Variants in ASB18 observed in about 807,000 individuals in gnomAD.
The protein encoded by ASB18 is ankyrin repeat and SOCS box protein 18.
A neutral mutation model predicts 33.4 loss-of-function variants in ASB18; 33 were observed. The observed-to-expected ratio is 0.99, with a 90% CI of 0.75 to 1.32. The LOEUF (loss-of-function observed/expected upper bound fraction) is 1.32. ASB18 is among the 40% of genes most tolerant of loss of function. ASB18 has a pLI of 0.00. For missense variants in ASB18, 694 were observed against 655.5 expected (o/e 1.06, Z -0.64); for synonymous variants, 295 against 307.6 (o/e 0.96, Z 0.43).
chr2:236,198,391 T>G (rs1401631923), intron 4 of ASB18, among the ~76,000 whole-genome samples: 1 of 152,060 alleles, frequency 6.6e-6, no homozygotes, highest in Non-Finnish European at 1.5e-5. Flanking sequence ...TTTTTTTGGA[T>G]GGAGTCTTGC....
At position 236,252,279 on chromosome 2, in the gene ASB18, A is replaced by T. The variant is rs1476881401; in HGVS notation, c.206-10877T>A. Reference sequence around the variant, plus strand: ...GAGTGAGACTCCGTCACACACACACACACACACACACACACACACACACAC... The same window carrying T: ...GAGTGAGACTCCGTCACACACACACTCACACACACACACACACACACACAC... On this transcript the variant is annotated intron_variant, in intron 1 of 5. Coordinates refer to ENST00000409749, the MANE Select transcript of ASB18 (RefSeq NM_212556.4). This position sits in a 1 kb window ranked among gnomAD's most constrained non-coding sequence, Gnocchi z 7.9. Among the ~76,000 whole-genome samples the T allele has an allele frequency of 1.6e-5, 2 of 125,476 alleles. No homozygotes were observed. The highest frequency in any genetic ancestry group is 9.4e-5 in the African/African-American group (2 of 21,250). 82.3% of individuals were successfully genotyped at this position (125,476 alleles called of 152,430 possible). A position where few individuals can be genotyped will look rare whatever the true frequency, so the allele number is the denominator to read the frequency against.
chr2:236,242,805 T>C (rs1382694093), intron 1 of ASB18, among the ~76,000 whole-genome samples: 7 of 147,332 alleles, frequency 4.8e-5, no homozygotes, highest in Non-Finnish European at 1.0e-4. Context: ...GAGGATTTGT[T>C]GAGTCCAGGA....
Position 236,225,346 on chromosome 2 carries a change from C to T in ASB18, c.597-10480G>A, listed in dbSNP as rs1192119627. Among the ~76,000 whole-genome samples the T allele has an allele frequency of 6.6e-6, 1 of 152,148 alleles. No homozygotes were observed. Among genetic ancestry groups the T allele is most frequent in the Non-Finnish European group, 1.5e-5 (1 of 68,028 alleles). ...CAGGCTGGTCTCAAACTCCTGGGCTCAAGCGATCCTCTAGCCTTGGCCTCC... is the reference window on the plus strand; with the variant it reads ...CAGGCTGGTCTCAAACTCCTGGGCTTAAGCGATCCTCTAGCCTTGGCCTCC... On this transcript the variant is annotated intron_variant, in intron 3 of 5. Transcript: ENST00000409749. This position sits in a 1 kb window ranked among gnomAD's most constrained non-coding sequence, Gnocchi z 5.1.
Position 236,214,905 on chromosome 2 carries a change from G to T in ASB18, c.597-39C>A, listed in dbSNP as rs1429221570. On this transcript the variant is annotated intron_variant, in intron 3 of 5. Transcript: ENST00000409749. This position sits in a 1 kb window ranked among gnomAD's most constrained non-coding sequence, Gnocchi z 6.5. ...GGGCCTGTCACTCGGGCGCCACGCAGGACGCCCGCACCCTTCCACCCCCGG... is the reference window on the plus strand; with the variant it reads ...GGGCCTGTCACTCGGGCGCCACGCATGACGCCCGCACCCTTCCACCCCCGG... 1.7e-6 allele frequency: 2 copies of T among 1,204,586 alleles called. No homozygotes were observed. The highest frequency in any genetic ancestry group is 3.2e-5 in the African/African-American group (2 of 63,068). 74.6% of individuals were successfully genotyped at this position (1,204,586 alleles called of 1,614,324 possible). A position where few individuals can be genotyped will look rare whatever the true frequency, so the allele number is the denominator to read the frequency against.
chr2:236,248,356 G>A lies in ASB18; in HGVS notation c.206-6954C>T, dbSNP rs13390581. 0.055 allele frequency: 8,410 copies of A among 152,234 alleles called. 469 individuals are homozygous for A. Among genetic ancestry groups the A allele is most frequent in the African/African-American group, 0.14 (5,992 of 41,512 alleles). The allele number at this position is 152,234 out of a possible 1,614,324, so 9.4% of individuals were successfully genotyped here. ...GCCTGTAATCCCAGCACTTTAGGAG[G>A]CTGAGGCAGGTGGATCACCCGAGGT... is the stretch of plus-strand genomic sequence containing the variant. On this transcript the variant is annotated intron_variant, in intron 1 of 5. Coordinates refer to ENST00000409749, the MANE Select transcript of ASB18 (RefSeq NM_212556.4). This position sits in a 1 kb window ranked among gnomAD's most constrained non-coding sequence, Gnocchi z 4.9.
At position 236,222,121 on chromosome 2, in the gene ASB18, A is replaced by G. The variant is rs147295768; in HGVS notation, c.597-7255T>C. Among the ~76,000 whole-genome samples, 1 of 152,226 alleles carries G rather than the reference A, an allele frequency of 6.6e-6. No individual in the cohort carries two copies. Among genetic ancestry groups the G allele is most frequent in the African/African-American group, 2.4e-5 (1 of 41,526 alleles). ...AGGACGGGGAAGCCACAGCTCCACG[A>G]CTTTGATGGAGGAGCGGTTCCACTT... On this transcript the variant is annotated intron_variant, in intron 3 of 5. Coordinates refer to ENST00000409749, the MANE Select transcript of ASB18 (RefSeq NM_212556.4). This position sits in a 1 kb window ranked among gnomAD's most constrained non-coding sequence, Gnocchi z 5.5.
In ASB18 at chr2:236,237,646, T is replaced by C; in HGVS notation, c.596+43A>G. 1 of 1,290,746 alleles carries C rather than the reference T, an allele frequency of 7.7e-7. No individual in the cohort carries two copies. Among genetic ancestry groups the C allele is most frequent in the Non-Finnish European group, 9.8e-7 (1 of 1,024,896 alleles). The allele number at this position is 1,290,746 out of a possible 1,614,324, so 80.0% of individuals were successfully genotyped here. On this transcript the variant is annotated intron_variant, in intron 3 of 5. Coordinates refer to ENST00000409749, the MANE Select transcript of ASB18 (RefSeq NM_212556.4). The surrounding 1 kb of genome is among the most constrained non-coding windows in gnomAD (Gnocchi z 6.2). Reference sequence around the variant, plus strand: ...CGTGGGGGGAGGCGGGCGTCTGGTCTCGGGGCGGGGCGGACGCCGCGGGCC... The same window carrying C: ...CGTGGGGGGAGGCGGGCGTCTGGTCCCGGGGCGGGGCGGACGCCGCGGGCC...
chr2:236,230,358 A>G (rs1362065619), intron 3 of ASB18, among the ~76,000 whole-genome samples: 1 of 150,244 alleles, frequency 6.7e-6, no homozygotes, highest in African/African-American at 2.5e-5. Context: ...AATGTTAAAG[A>G]AAGCACTTCA....
rs180847585 is a variant in ASB18 at position 236,225,989 on chromosome 2, A to T, written c.597-11123T>A. 4.6e-5 allele frequency among the ~76,000 whole-genome samples: 7 copies of T among 152,312 alleles called. No homozygotes were observed. Among genetic ancestry groups the T allele is most frequent in the Admixed American group, 2.6e-4 (4 of 15,304 alleles). Reference sequence around the variant, plus strand: ...CCCCCTCTCTACTGTGAGGTAAAAAAATTAAGGATGACCTAAAATCTACTG... The same window carrying T: ...CCCCCTCTCTACTGTGAGGTAAAAATATTAAGGATGACCTAAAATCTACTG... On this transcript the variant is annotated intron_variant, in intron 3 of 5. Coordinates refer to ENST00000409749, the MANE Select transcript of ASB18 (RefSeq NM_212556.4). This position sits in a 1 kb window ranked among gnomAD's most constrained non-coding sequence, Gnocchi z 5.1.
chr2:236,212,160 C>G (rs926047049), intron 4 of ASB18, among the ~76,000 whole-genome samples: 2 of 152,076 alleles, frequency 1.3e-5, no homozygotes, highest in African/African-American at 4.8e-5. Flanking sequence ...GGCTTTTTGG[C>G]CCCCAGGTAC....
intron 3 of ASB18, among the ~76,000 whole-genome samples, chr2:236,236,029 G>C (rs1202865093): frequency 6.6e-6 from 1 of 151,812 alleles, no homozygotes; most frequent in East Asian, 1.9e-4. Context: ...GTGTGACCTA[G>C]GTATTTATTC....
intron 3 of ASB18, among the ~76,000 whole-genome samples, chr2:236,227,757 G>A (rs1299982716): frequency 6.6e-6 from 1 of 151,804 alleles, no homozygotes; most frequent in Non-Finnish European, 1.5e-5. Flanking sequence ...CTTTAATGAA[G>A]CTGATGCTTC....
At position 236,248,412 on chromosome 2, in the gene ASB18, G is replaced by A. The variant is rs1389708881; in HGVS notation, c.206-7010C>T. The A allele has an allele frequency of 1.3e-5, 2 of 152,112 alleles. No individual in the cohort carries two copies. The highest frequency in any genetic ancestry group is 2.9e-5 in the Non-Finnish European group (2 of 68,066). 9.4% of individuals were successfully genotyped at this position (152,112 alleles called of 1,614,324 possible). A position where few individuals can be genotyped will look rare whatever the true frequency, so the allele number is the denominator to read the frequency against. On this transcript the variant is annotated intron_variant, in intron 1 of 5. Transcript: ENST00000409749. This position sits in a 1 kb window ranked among gnomAD's most constrained non-coding sequence, Gnocchi z 4.9. ...GTTTGAGATCAGCCTGGCCAACATA[G>A]TGAAACCCTGTCTCTACTAAAAATA...
rs1275846619 is a variant in ASB18, at chr2:236,195,140, C to T, written c.1216-83G>A. 2 of 1,324,502 alleles carry T rather than the reference C, an allele frequency of 1.5e-6. No homozygotes were observed. Among genetic ancestry groups the T allele is most frequent in the East Asian group, 2.4e-5 (1 of 41,010 alleles). The allele number at this position is 1,324,502 out of a possible 1,614,324, so 82.0% of individuals were successfully genotyped here. A position where few individuals can be genotyped will look rare whatever the true frequency, so the allele number is the denominator to read the frequency against. On this transcript the variant is annotated intron_variant, in intron 5 of 5. Transcript: ENST00000409749. The surrounding 1 kb of genome is among the most constrained non-coding windows in gnomAD (Gnocchi z 5.5). ...CTTCTTAGCCAGACCACTGATGGTA[C>T]AAGCGGGCTTTTCTATGGCTAACTG...
intron 4 of ASB18, among the ~76,000 whole-genome samples, chr2:236,202,709 G>T (rs188086993): frequency 8.5e-4 from 126 of 148,424 alleles, no homozygotes; most frequent in Non-Finnish European, 1.6e-3. Context: ...AACCCAGGAG[G>T]CAGAGGTTGC....
In ASB18 at chr2:236,196,350, G is replaced by C. The variant is rs372187489; in HGVS notation, c.1137C>G (p.Ile379Met). The C allele has an allele frequency of 1.3e-6, 2 of 1,567,838 alleles. No homozygotes were observed. The highest frequency in any genetic ancestry group is 1.9e-5 in the Admixed American group (1 of 53,500). The change falls in exon 5 of 6, where the codon ATC (isoleucine) becomes ATG (methionine). Residue 379 changes from isoleucine (I) to methionine (M), a missense_variant. Transcript: ENST00000409749. The surrounding 1 kb of genome is among the most constrained non-coding windows in gnomAD (Gnocchi z 5.6). The part of the protein sequence containing the change: ...LKTCASVPAV[I>M]EVLFNSYPQL... ...GAGGGTAGGAGTTGAAAAGCACCTC[G>C]ATGACTGCGGGGACAGATGCACAGG...
chr2:236,206,729 C>T lies in ASB18; in HGVS notation c.1101+7633G>A, dbSNP rs560949669. 2.0e-5 allele frequency among the ~76,000 whole-genome samples: 3 copies of T among 152,334 alleles called. No individual in the cohort carries two copies. In the South Asian group the frequency reaches 6.2e-4, roughly 32 times the overall value. ...TATTTCAACCAGAAACAACTTTACACATGGAATTGGTTACGTAGGTAATCA... is the reference window on the plus strand; with the variant it reads ...TATTTCAACCAGAAACAACTTTACATATGGAATTGGTTACGTAGGTAATCA... On this transcript the variant is annotated intron_variant, in intron 4 of 5. Coordinates refer to ENST00000409749, the MANE Select transcript of ASB18 (RefSeq NM_212556.4).
chr2:236,201,655 G>C (rs1210482668), intron 4 of ASB18, among the ~76,000 whole-genome samples: 4 of 149,768 alleles, frequency 2.7e-5, no homozygotes, highest in Admixed American at 1.3e-4. Flanking sequence ...AAATATGTTT[G>C]TCACATTTAT....
Position 236,194,829 on chromosome 2 carries a change from G to A in ASB18, c.*43C>T, listed in dbSNP as rs73115927. The A allele has an allele frequency of 7.0e-3, 10,841 of 1,542,860 alleles. 487 individuals carry two copies. The African/African-American group carries it at 0.11, about 16-fold the overall frequency. Reference sequence around the variant, plus strand: ...CTCCAACACACGGCCTCCATGGAAGGTCAGCGAGGAGAACAACAGTATTGG... The same window carrying A: ...CTCCAACACACGGCCTCCATGGAAGATCAGCGAGGAGAACAACAGTATTGG... On this transcript the variant is annotated 3_prime_UTR_variant, in exon 6 of 6. Coordinates refer to ENST00000409749, the MANE Select transcript of ASB18 (RefSeq NM_212556.4). The surrounding 1 kb of genome is among the most constrained non-coding windows in gnomAD (Gnocchi z 4.5).
Sources: allele counts gnomAD v4.1 joint callset (sites outside exome capture counted in the v4.1 genomes callset), GRCh38; gene constraint gnomAD v4.1.1; non-coding constraint Gnocchi (gnomAD v3.1); transcripts MANE v1.5; gene names NCBI Gene and HGNC (gene_info 2026-07-23, HGNC 2026-07-21).